POGLUT3: variants seen among roughly 807,000 people sequenced by gnomAD.
POGLUT3 encodes protein O-glucosyltransferase 3.
Under a neutral mutation model 54.3 loss-of-function variants are expected in POGLUT3, and 48 were observed. The ratio of observed to expected loss-of-function variants is 0.88; its 90% CI spans 0.70 to 1.12. The LOEUF (loss-of-function observed/expected upper bound fraction) is 1.12, where lower values mean the gene tolerates loss of function less well. Ranked by LOEUF, POGLUT3 falls within the 50% of genes most tolerant of loss-of-function variation. The pLI, the probability that POGLUT3 is intolerant of heterozygous loss-of-function variation, is 0.00. For synonymous variants in POGLUT3, 218 were observed against 237.4 expected (o/e 0.92, Z 0.75); for missense variants, 629 against 618.7 (o/e 1.02, Z -0.18).
intron 1 of POGLUT3, among the ~76,000 whole-genome samples, chr11:108,491,926 C>T (rs1437454212): frequency 6.6e-6 from 1 of 152,198 alleles, no homozygotes; most frequent in African/African-American, 2.4e-5. Flanking sequence ...AAAACACACA[C>T]AAGCTTTCTT....
chr11:108,494,664 CA>C (rs1466667572), intron 1 of POGLUT3, among the ~76,000 whole-genome samples: 1 of 152,116 alleles, frequency 6.6e-6, no homozygotes, highest in Non-Finnish European at 1.5e-5. Context: ...TTAAGCAAGC[CA>C]TAGTATAAAA....
intron 4 of POGLUT3, 60 bp from the exon 5 acceptor site, chr11:108,481,436 G>A (rs2093592372): frequency 8.0e-7 from 1 of 1,251,946 alleles, no homozygotes; most frequent in Non-Finnish European, 1.1e-6. Flanking sequence ...AATATGGCAA[G>A]CATAATCCTC....
intron 7 of POGLUT3, among the ~76,000 whole-genome samples, chr11:108,475,697 G>A (rs1248878097): frequency 6.6e-6 from 1 of 151,616 alleles, no homozygotes; most frequent in Admixed American, 6.6e-5. Context: ...TTCAACTCCT[G>A]GACTCAAGCA....
chr11:108,494,042 A>G (rs2093617827), intron 1 of POGLUT3, among the ~76,000 whole-genome samples: 1 of 152,186 alleles, frequency 6.6e-6, no homozygotes, highest in Non-Finnish European at 1.5e-5. Flanking sequence ...TGAGACTTTC[A>G]TATGTATTTT....
intron 1 of POGLUT3, among the ~76,000 whole-genome samples, chr11:108,494,547 T>C (rs2093618848): frequency 6.6e-6 from 1 of 152,254 alleles, no homozygotes; most frequent in Non-Finnish European, 1.5e-5. Context: ...ACATTCACTG[T>C]GGAGCCCACT....
chr11:108,472,438 T>C lies in POGLUT3; in HGVS notation c.*2389A>G, dbSNP rs2093570915. On this transcript the variant is annotated 3_prime_UTR_variant, in exon 8 of 8. Coordinates refer to ENST00000323468, the MANE Select transcript of POGLUT3 (RefSeq NM_153705.5). ...AACTTTCAACCACATAGATGCATTT[T>C]TGTTTTCAAACCAGAAAGCCATTAA... 1 of 151,910 alleles carries C rather than the reference T, an allele frequency of 6.6e-6. No homozygotes were observed. Among genetic ancestry groups the C allele is most frequent in the Admixed American group, 6.5e-5 (1 of 15,270 alleles). The allele number at this position is 151,910 out of a possible 1,614,324, so 9.4% of individuals were successfully genotyped here.
In POGLUT3 at chr11:108,486,244, G is replaced by A; in HGVS notation, c.597C>T (p.Leu199=). The change falls in exon 3 of 8, where the codon CTC becomes CTT. Residue 199 remains leucine, a synonymous_variant. Coordinates refer to ENST00000323468, the MANE Select transcript of POGLUT3 (RefSeq NM_153705.5). ...ERGAIVHYTI[L]NNHVYRRSLG... is the part of the protein sequence containing the mutation. ...AAGATCTCCGGTAAACATGGTTATT[G>A]AGAATCGTGTAATGAACAATGGCAC... is the stretch of plus-strand genomic sequence containing the variant. 6.2e-7 allele frequency: 1 copy of A among 1,613,724 alleles called. No homozygotes were observed. The highest frequency in any genetic ancestry group is 8.5e-7 in the Non-Finnish European group (1 of 1,179,650).
Position 108,498,166 on chromosome 11 carries a change from T to C in POGLUT3, c.201A>G (p.Ala67=). ...SEGQNLTRSP[A]GETPFKVVVK... is the part of the protein sequence containing the mutation. ...GGGAGGCCGGCGGCTGGACACTACC[T>C]GCGGGAGAGCGAGTGAGGTTCTGGC... The change falls in exon 1 of 8, where the codon GCA becomes GCG. Residue 67 remains alanine, a splice_region_variant and synonymous_variant. Coordinates refer to ENST00000323468, the MANE Select transcript of POGLUT3 (RefSeq NM_153705.5). 6.6e-7 allele frequency: 1 copy of C among 1,511,840 alleles called. No individual in the cohort carries two copies. Among genetic ancestry groups the C allele is most frequent in the Non-Finnish European group, 8.8e-7 (1 of 1,131,268 alleles). 93.7% of individuals were successfully genotyped at this position (1,511,840 alleles called of 1,614,324 possible). A position where few individuals can be genotyped will look rare whatever the true frequency, so the allele number is the denominator to read the frequency against.
In POGLUT3 at chr11:108,482,174, AGG is replaced by A. The variant is rs756671627; in HGVS notation, c.731_732del (p.Pro244LeufsTer11). The A allele has an allele frequency of 6.2e-7, 1 of 1,614,186 alleles. No individual in the cohort carries two copies. The highest frequency in any genetic ancestry group is 1.7e-5 in the Admixed American group (1 of 60,016). On this transcript the variant is annotated frameshift_variant, in exon 4 of 8. Transcript: ENST00000323468. LOFTEE classifies it high-confidence loss of function. Reference sequence around the variant, plus strand: ...GTTCCATTGACTTTTCGATGCTCCAAGGGCCAATCTCCAAGATTAACATAAAA... The same window carrying A: ...GTTCCATTGACTTTTCGATGCTCCAAGCCAATCTCCAAGATTAACATAAAA... ...LEFYVNLGDW[P>X]LEHRKVNGTP...
intron 3 of POGLUT3, among the ~76,000 whole-genome samples, chr11:108,483,958 C>T (rs954028135): frequency 3.3e-5 from 5 of 152,088 alleles, no homozygotes; most frequent in African/African-American, 4.8e-5. Context: ...TGTGAGCCAC[C>T]GTGCCCAGCC....
chr11:108,496,564 C>A (rs899979408), intron 1 of POGLUT3, among the ~76,000 whole-genome samples: 2 of 151,076 alleles, frequency 1.3e-5, no homozygotes, highest in African/African-American at 4.9e-5. Flanking sequence ...CCCTGATATA[C>A]ACACATGCGT....
Position 108,481,196 on chromosome 11 carries a change from A to G in POGLUT3, c.1082T>C (p.Phe361Ser). ...KELGKAKLMGFFDFFKYKYQV... is the reference protein window; with the variant it reads ...KELGKAKLMGSFDFFKYKYQV... Reference sequence around the variant, plus strand: ...AATGCATACCTTAAAGAAATCAAAGAAACCCATCAACTTGGCTTTTCCAAG... The same window carrying G: ...AATGCATACCTTAAAGAAATCAAAGGAACCCATCAACTTGGCTTTTCCAAG... The change falls in exon 5 of 8, where the codon TTC (phenylalanine) becomes TCC (serine). Residue 361 changes from phenylalanine (F) to serine (S), a missense_variant. Transcript: ENST00000323468. The G allele has an allele frequency of 6.2e-7, 1 of 1,609,352 alleles. No individual in the cohort carries two copies. Among genetic ancestry groups the G allele is most frequent in the South Asian group, 1.1e-5 (1 of 90,108 alleles).
chr11:108,491,215 T>C (rs1232374782), intron 1 of POGLUT3, 48 bp from the exon 2 acceptor site: 2 of 1,431,000 alleles, frequency 1.4e-6, no homozygotes, highest in Admixed American at 1.8e-5. Flanking sequence ...ATGATAATGA[T>C]TTACAATTAT....
intron 6 of POGLUT3, among the ~76,000 whole-genome samples, chr11:108,478,509 A>G (rs981450735): frequency 6.6e-6 from 1 of 152,272 alleles, no homozygotes; most frequent in Non-Finnish European, 1.5e-5. Flanking sequence ...AAGTTGTGTT[A>G]TAAAATGGTA....
Position 108,488,603 on chromosome 11 carries a change from T to A in POGLUT3, c.401-2163A>T, listed in dbSNP as rs1450047307. On this transcript the variant is annotated intron_variant, in intron 2 of 7. Transcript: ENST00000323468. Reference sequence around the variant, plus strand: ...GCACAGAGAGAACGTTAGAGATCTATAGAAGGTCCTCTTCACATATTGAGC... The same window carrying A: ...GCACAGAGAGAACGTTAGAGATCTAAAGAAGGTCCTCTTCACATATTGAGC... 5.9e-5 allele frequency among the ~76,000 whole-genome samples: 9 copies of A among 152,220 alleles called. No homozygotes were observed. In the East Asian group the frequency reaches 1.7e-3, roughly 29 times the overall value.
intron 7 of POGLUT3, among the ~76,000 whole-genome samples, chr11:108,475,643 A>AT (rs2093580352): frequency 6.6e-6 from 1 of 150,538 alleles, no homozygotes; most frequent in Admixed American, 6.6e-5. Flanking sequence ...AATTTTTTTC[A>AT]TTTTTTGTAG....
At chr11:108,477,213 C>T (rs1286524828) in intron 7 of POGLUT3, among the ~76,000 whole-genome samples, 2 of 152,044 alleles carry the variant, frequency 1.3e-5, no homozygotes, top group Non-Finnish European at 2.9e-5. Context: ...ACCAGCCTGG[C>T]CAACATGGCG....
chr11:108,498,262 C>T lies in POGLUT3; in HGVS notation c.105G>A (p.Trp35Ter). ...CGACGGCCGCCTGCAGCCCGGGCCC[C>T]CACACCAGGCTCCGCGGCGCGCTGA... The part of the protein sequence containing the change: ...VLVSAPRSLV[W>*]GPGLQAAVVL... Residue 35 changes from tryptophan (W) to a stop codon, truncating the protein, a stop_gained, in exon 1 of 8, where the codon TGG becomes TGA. Coordinates refer to ENST00000323468, the MANE Select transcript of POGLUT3 (RefSeq NM_153705.5). LOFTEE classifies it high-confidence loss of function. 2.7e-6 allele frequency: 4 copies of T among 1,498,780 alleles called. No homozygotes were observed. The highest frequency in any genetic ancestry group is 3.6e-6 in the Non-Finnish European group (4 of 1,124,472). The allele number at this position is 1,498,780 out of a possible 1,614,324, so 92.8% of individuals were successfully genotyped here. A position where few individuals can be genotyped will look rare whatever the true frequency, so the allele number is the denominator to read the frequency against.
At chr11:108,487,391 G>A (rs1487301429) in intron 2 of POGLUT3, among the ~76,000 whole-genome samples, 4 of 152,184 alleles carry the variant, frequency 2.6e-5, no homozygotes, top group Non-Finnish European at 5.9e-5. Context: ...ATTGGTCATT[G>A]AGTCTGAGAG....
Sources: allele counts gnomAD v4.1 joint callset (sites outside exome capture counted in the v4.1 genomes callset), GRCh38; gene constraint gnomAD v4.1.1; transcripts MANE v1.5; gene names NCBI Gene and HGNC (gene_info 2026-07-23, HGNC 2026-07-21).